Variants in BRD10 observed in about 807,000 individuals in gnomAD.
The protein encoded by BRD10 is bromodomain containing 10, also known as uncharacterized bromodomain-containing protein 10.
the BRD10 span, among the ~76,000 whole-genome samples, chr9:5,946,250 G>C: frequency 1.3e-5 from 2 of 151,878 alleles, no homozygotes. Flanking sequence ...TTACATATTA[G>C]GAATATCTAT....
chr9:5,990,250 T>G, the BRD10 span, among the ~76,000 whole-genome samples: 146,268 of 152,316 alleles, frequency 0.96, 70,540 homozygotes, highest in Non-Finnish European at 0.99. Context: ...GGGTGTACTT[T>G]AATTTATTTT....
the BRD10 span, among the ~76,000 whole-genome samples, chr9:5,995,137 T>C: frequency 7.2e-5 from 11 of 152,268 alleles, no homozygotes; most frequent in South Asian, 4.1e-4. Context: ...CTGACCTCAG[T>C]TGATCCACCC....
At chr9:5,923,394 C>G in the BRD10 span, 9 of 1,039,074 alleles carry the variant, frequency 8.7e-6, no homozygotes, top group Non-Finnish European at 1.2e-5. Context: ...GAAAGTCAAT[C>G]TTTGAGCTGG....
the BRD10 span, among the ~76,000 whole-genome samples, chr9:5,879,324 G>A: frequency 1.3e-5 from 2 of 151,836 alleles, no homozygotes; most frequent in East Asian, 1.9e-4. Context: ...TTATCCGGGT[G>A]TGATGGTGCA....
At chr9:5,978,977 C>T in the BRD10 span, among the ~76,000 whole-genome samples, 3 of 152,140 alleles carry the variant, frequency 2.0e-5, no homozygotes, top group South Asian at 2.1e-4. Context: ...TAGGAAATTA[C>T]CAAAATGTAA....
the BRD10 span, chr9:5,920,768 G>C: frequency 1.4e-5 from 22 of 1,613,836 alleles, no homozygotes; most frequent in Non-Finnish European, 1.6e-5. Context: ...AACCGTAACA[G>C]GAATTTGCAA....
the BRD10 span, among the ~76,000 whole-genome samples, chr9:6,001,482 C>G: frequency 7.9e-5 from 12 of 152,174 alleles, no homozygotes; most frequent in Non-Finnish European, 1.5e-4. Flanking sequence ...AACTGTTCCC[C>G]TAGACTACTC....
chr9:6,007,086 A>T, the BRD10 span: 2 of 1,117,160 alleles, frequency 1.8e-6, no homozygotes, highest in Non-Finnish European at 2.6e-6. Context: ...GCACCGACTC[A>T]GCACCTATCA....
At chr9:5,920,699 GC>G in the BRD10 span, 1 of 1,613,950 alleles carries the variant, frequency 6.2e-7, no homozygotes, top group Non-Finnish European at 8.5e-7. Flanking sequence ...TGGTACTGCT[GC>G]CGAATGTGGA....
chr9:6,002,348 T>C, the BRD10 span, among the ~76,000 whole-genome samples: 7 of 152,116 alleles, frequency 4.6e-5, no homozygotes, highest in South Asian at 1.4e-3. Flanking sequence ...TAGAACTACA[T>C]GGAATATCAA....
the BRD10 span, among the ~76,000 whole-genome samples, chr9:5,938,931 G>C: frequency 6.6e-6 from 1 of 152,092 alleles, no homozygotes; most frequent in Non-Finnish European, 1.5e-5. Flanking sequence ...GGCTTACTGA[G>C]AACTCTGAAT....
chr9:6,007,213 T>C, the BRD10 span: 1 of 1,613,376 alleles, frequency 6.2e-7, no homozygotes, highest in Non-Finnish European at 8.5e-7. Flanking sequence ...AAGCGCTAAC[T>C]TCTGCTCCAG....
the BRD10 span, among the ~76,000 whole-genome samples, chr9:6,004,239 T>C: frequency 1.3e-5 from 2 of 152,250 alleles, no homozygotes; most frequent in Admixed American, 6.5e-5. Context: ...TTGTACTTTG[T>C]TCATATATCC....
At chr9:5,901,251 G>A in the BRD10 span, among the ~76,000 whole-genome samples, 1 of 152,012 alleles carries the variant, frequency 6.6e-6, no homozygotes. Context: ...GCAACTTCCA[G>A]TATGATGCTG....
chr9:5,946,051 CA>C, the BRD10 span, among the ~76,000 whole-genome samples: 1 of 151,894 alleles, frequency 6.6e-6, no homozygotes, highest in African/African-American at 2.4e-5. Flanking sequence ...ACAATAAAAG[CA>C]AAAGTGGGTC....
At chr9:5,944,051 A>G in the BRD10 span, among the ~76,000 whole-genome samples, 4 of 152,166 alleles carry the variant, frequency 2.6e-5, no homozygotes, top group Non-Finnish European at 5.9e-5. Context: ...TATTTTATAC[A>G]TATTTATATT....
At chr9:6,004,327 T>C in the BRD10 span, among the ~76,000 whole-genome samples, 2 of 152,232 alleles carry the variant, frequency 1.3e-5, no homozygotes, top group Non-Finnish European at 2.9e-5. Context: ...AACTTATCTT[T>C]TGATCTCAGG....
At chr9:5,940,012 T>C in the BRD10 span, among the ~76,000 whole-genome samples, 2 of 152,356 alleles carry the variant, frequency 1.3e-5, no homozygotes, top group Admixed American at 1.3e-4. Context: ...ATATTCAGTC[T>C]AGCTAATGTA....
chr9:5,894,746 T>C, the BRD10 span, among the ~76,000 whole-genome samples: 3 of 152,180 alleles, frequency 2.0e-5, no homozygotes, highest in African/African-American at 7.2e-5. The surrounding 1 kb of genome is among the most constrained non-coding windows in gnomAD (Gnocchi z 4.0). Context: ...AGCTGCTCCT[T>C]CTTGATGCCC....
Sources: allele counts gnomAD v4.1 joint callset (sites outside exome capture counted in the v4.1 genomes callset), GRCh38; gene constraint gnomAD v4.1.1; non-coding constraint Gnocchi (gnomAD v3.1); transcripts MANE v1.5; gene names NCBI Gene and HGNC (gene_info 2026-07-23, HGNC 2026-07-21).